SLC25A15: variants seen among roughly 807,000 people sequenced by gnomAD.
The protein encoded by SLC25A15 is mitochondrial ornithine transporter 1.
A neutral mutation model predicts 32.3 loss-of-function variants in SLC25A15; 24 were observed. The ratio of observed to expected loss-of-function variants is 0.74; its 90% CI spans 0.54 to 1.04. The LOEUF (loss-of-function observed/expected upper bound fraction) is 1.04. Among genes scored for constraint, SLC25A15 ranks in the 50% least tolerant of loss-of-function variants. The pLI is 0.00. For missense variants in SLC25A15, 317 were observed against 374.5 expected, an observed-to-expected ratio of 0.85 and a Z score of 1.27; for synonymous variants, 132 against 142.1, an observed-to-expected ratio of 0.93 and a Z score of 0.51.
At chr13:40,792,879 G>C (rs1352913672) in intron 1 of SLC25A15, among the ~76,000 whole-genome samples, 1 of 152,238 alleles carries the variant, frequency 6.6e-6, no homozygotes, top group Non-Finnish European at 1.5e-5. Flanking sequence ...TACACCTGTG[G>C]TTGGCTTACT....
chr13:40,805,847 T>G (rs1255568660), intron 4 of SLC25A15, among the ~76,000 whole-genome samples: 1 of 152,252 alleles, frequency 6.6e-6, no homozygotes. Context: ...ATTCTCATTA[T>G]CCTTTGAGAG....
At chr13:40,792,398 G>A (rs75852117) in intron 1 of SLC25A15, among the ~76,000 whole-genome samples, 40 of 152,292 alleles carry the variant, frequency 2.6e-4, no homozygotes, top group African/African-American at 9.6e-4. Context: ...TGAATCAGAG[G>A]CCGCATTTTA....
In SLC25A15 at chr13:40,807,471, T is replaced by C. The variant is rs762025172; in HGVS notation, c.622+8T>C. ...GATCAAAAGATGAATTAGGTAAATG[T>C]GTTTGCATTGACAGCAGTGGGGTGT... On this transcript the variant is annotated splice_region_variant and intron_variant, in intron 5 of 6. Coordinates refer to ENST00000338625, the MANE Select transcript of SLC25A15 (RefSeq NM_014252.4). 3 of 1,614,020 alleles carry C rather than the reference T, an allele frequency of 1.9e-6. No homozygotes were observed. The highest frequency in any genetic ancestry group is 8.5e-7 in the Non-Finnish European group (1 of 1,179,938).
intron 3 of SLC25A15, among the ~76,000 whole-genome samples, chr13:40,800,684 ATCTGGCTC>A (rs1371873171): frequency 6.6e-6 from 1 of 152,176 alleles, no homozygotes; most frequent in Admixed American, 6.5e-5. Flanking sequence ...AAACCACTGG[ATCTGGCTC>A]TGCCCGCCCC....
intron 3 of SLC25A15, among the ~76,000 whole-genome samples, chr13:40,803,439 T>A (rs1478605978): frequency 6.6e-6 from 1 of 152,210 alleles, no homozygotes; most frequent in Non-Finnish European, 1.5e-5. Flanking sequence ...TCTGCCTGCC[T>A]TGGCCTCCCA....
chr13:40,803,284 G>A (rs1298779438), intron 3 of SLC25A15, among the ~76,000 whole-genome samples: 3 of 149,532 alleles, frequency 2.0e-5, no homozygotes, highest in Non-Finnish European at 3.0e-5. Flanking sequence ...GCATGATCTT[G>A]GCTCACTGCA....
intron 1 of SLC25A15, among the ~76,000 whole-genome samples, chr13:40,791,592 G>A (rs939539052): frequency 4.0e-5 from 6 of 151,886 alleles, no homozygotes; most frequent in Non-Finnish European, 5.9e-5. Flanking sequence ...TCCTGACCTC[G>A]TGATCCTCCC....
chr13:40,805,052 G>T, intron 3 of SLC25A15, 66 bp from the exon 4 acceptor site: 2 of 1,600,236 alleles, frequency 1.2e-6, no homozygotes, highest in Non-Finnish European at 1.7e-6. Context: ...CCAAAGTGCT[G>T]TCTGTGTGGT....
intron 3 of SLC25A15, among the ~76,000 whole-genome samples, chr13:40,801,470 TG>T (rs1881888348): frequency 6.6e-6 from 1 of 152,242 alleles, no homozygotes; most frequent in East Asian, 1.9e-4. Context: ...CTCTTAGGGA[TG>T]GAAAACTGAG....
chr13:40,798,233 T>C (rs1160412862), intron 2 of SLC25A15, among the ~76,000 whole-genome samples: 2 of 150,414 alleles, frequency 1.3e-5, no homozygotes, highest in Non-Finnish European at 2.9e-5. Flanking sequence ...TGAGCTGAGA[T>C]TGCACCACTG....
chr13:40,809,831 AT>A lies in SLC25A15; in HGVS notation c.*168del. The A allele has an allele frequency of 1.5e-6, 1 of 676,424 alleles. No homozygotes were observed. The highest frequency in any genetic ancestry group is 2.6e-6 in the Non-Finnish European group (1 of 387,808). The allele number at this position is 676,424 out of a possible 1,614,324, so 41.9% of individuals were successfully genotyped here. On this transcript the variant is annotated 3_prime_UTR_variant, in exon 7 of 7. Coordinates refer to ENST00000338625, the MANE Select transcript of SLC25A15 (RefSeq NM_014252.4). ...TCTTAAACTTTATGGAAGAACCTCT[AT>A]TTTGCATCATATCATTTCTGTCCAT...
intron 2 of SLC25A15, among the ~76,000 whole-genome samples, chr13:40,797,776 A>G (rs190812827): frequency 6.6e-6 from 1 of 152,360 alleles, no homozygotes; most frequent in East Asian, 1.9e-4. Flanking sequence ...ATAACTGTGT[A>G]TAACATCAAA....
chr13:40,800,961 A>G (rs553504503), intron 3 of SLC25A15, among the ~76,000 whole-genome samples: 1 of 152,284 alleles, frequency 6.6e-6, no homozygotes, highest in East Asian at 1.9e-4. Flanking sequence ...GGCTGGGCAC[A>G]GTGGCTCACG....
chr13:40,794,666 C>T (rs1334339754), intron 2 of SLC25A15, among the ~76,000 whole-genome samples: 2 of 152,160 alleles, frequency 1.3e-5, no homozygotes, highest in Admixed American at 6.5e-5. Context: ...GGCTGGAATA[C>T]TGATTGCCCA....
chr13:40,807,565 T>G, intron 5 of SLC25A15, 102 bp downstream of exon 5: 6 of 1,324,504 alleles, frequency 4.5e-6, no homozygotes, highest in Non-Finnish European at 6.5e-6. Flanking sequence ...CTCCCCACAT[T>G]GGTGGCTCCA....
intron 2 of SLC25A15, 68 bp from the exon 3 acceptor site, chr13:40,798,989 T>A: frequency 6.2e-7 from 1 of 1,613,556 alleles, no homozygotes; most frequent in Non-Finnish European, 8.5e-7. Flanking sequence ...GTAGGCTGCC[T>A]GTGCCTTCCT....
intron 4 of SLC25A15, among the ~76,000 whole-genome samples, chr13:40,806,881 C>G (rs1882204850): frequency 6.6e-6 from 1 of 152,216 alleles, no homozygotes; most frequent in African/African-American, 2.4e-5. Flanking sequence ...GAAATAAATT[C>G]TTGGTGCTTC....
rs900354930 is a variant in SLC25A15 at position 40,810,337 on chromosome 13, A to G, written c.*670A>G. Among the ~76,000 whole-genome samples, 3 of 151,832 alleles carry G rather than the reference A, an allele frequency of 2.0e-5. No individual in the cohort carries two copies. The highest frequency in any genetic ancestry group is 7.3e-5 in the African/African-American group (3 of 41,294). ...CCATGTCCAGCTAATTTTTTTTGGT[A>G]TTTTTTGTAGAGACGAGGTTTCACC... On this transcript the variant is annotated 3_prime_UTR_variant, in exon 7 of 7. Coordinates refer to ENST00000338625, the MANE Select transcript of SLC25A15 (RefSeq NM_014252.4).
In SLC25A15 at chr13:40,809,799, C is replaced by A. The variant is rs779462191; in HGVS notation, c.*132C>A. On this transcript the variant is annotated 3_prime_UTR_variant, in exon 7 of 7. Coordinates refer to ENST00000338625, the MANE Select transcript of SLC25A15 (RefSeq NM_014252.4). ...ATTTTGCTTTTTGTCTTCCCTTCTA[C>A]CCTACATCTTAAACTTTATGGAAGA... 5.7e-6 allele frequency: 5 copies of A among 874,708 alleles called. No homozygotes were observed. Among genetic ancestry groups the A allele is most frequent in the Non-Finnish European group, 7.4e-6 (4 of 537,336 alleles). 54.2% of individuals were successfully genotyped at this position (874,708 alleles called of 1,614,324 possible). A position where few individuals can be genotyped will look rare whatever the true frequency, so the allele number is the denominator to read the frequency against.
Sources: allele counts gnomAD v4.1 joint callset (sites outside exome capture counted in the v4.1 genomes callset), GRCh38; gene constraint gnomAD v4.1.1; transcripts MANE v1.5; gene names NCBI Gene and HGNC (gene_info 2026-07-23, HGNC 2026-07-21).